INTS10: variants seen among roughly 807,000 people sequenced by gnomAD.
The protein encoded by INTS10 is integrator complex subunit 10.
In INTS10, 44 loss-of-function variants were observed where a neutral mutation model predicts 94.4. That is an observed-to-expected ratio of 0.47 (90% CI 0.37 to 0.60). The LOEUF (loss-of-function observed/expected upper bound fraction) is 0.60. INTS10 is among the 20% of genes least tolerant of loss of function. The pLI is 0.00. For synonymous variants in INTS10, 341 were observed against 320.7 expected (o/e 1.06, Z -0.68); for missense variants, 797 against 868.7 (o/e 0.92, Z 1.04).
intron 13 of INTS10, among the ~76,000 whole-genome samples, chr8:19,837,861 A>G (rs962535728): frequency 4.6e-5 from 7 of 152,270 alleles, no homozygotes; most frequent in Non-Finnish European, 8.8e-5. Flanking sequence ...CCCTAACAAG[A>G]TCGATAAGGA....
At chr8:19,825,535 A>G (rs2066726304) in intron 8 of INTS10, among the ~76,000 whole-genome samples, 1 of 151,728 alleles carries the variant, frequency 6.6e-6, no homozygotes, top group East Asian at 1.9e-4. Context: ...AAAAAAAAAA[A>G]AGAAAAAAAC....
In INTS10 at chr8:19,849,365, C is replaced by A; in HGVS notation, c.1977-2284C>A. 2 of 348,284 alleles carry A rather than the reference C, an allele frequency of 5.7e-6. No individual in the cohort carries two copies. Among genetic ancestry groups the A allele is most frequent in the Non-Finnish European group, 5.3e-6 (1 of 188,288 alleles). The allele number at this position is 348,284 out of a possible 1,614,324, so 21.6% of individuals were successfully genotyped here. ...TTTCTTTCTTTTTTAATTTGTTCCGCATTTTGGCAAACCATCTGGTTGTAA... is the reference window on the plus strand; with the variant it reads ...TTTCTTTCTTTTTTAATTTGTTCCGAATTTTGGCAAACCATCTGGTTGTAA... On this transcript the variant is annotated intron_variant, in intron 16 of 16. Transcript: ENST00000397977. The surrounding 1 kb of genome is among the most constrained non-coding windows in gnomAD (Gnocchi z 4.6).
At position 19,843,064 on chromosome 8, in the gene INTS10, TG is replaced by T; in HGVS notation, c.1719+140del. ...AGGCCCAAACAGTTAGAAAAGCACATGGGCTACTAATTAACAAATCTATATT... is the reference window on the plus strand; with the variant it reads ...AGGCCCAAACAGTTAGAAAAGCACATGGCTACTAATTAACAAATCTATATT... On this transcript the variant is annotated intron_variant, in intron 14 of 16. Transcript: ENST00000397977. The surrounding 1 kb of genome is among the most constrained non-coding windows in gnomAD (Gnocchi z 4.7). The T allele has an allele frequency of 1.6e-6, 1 of 632,596 alleles. No individual in the cohort carries two copies. Among genetic ancestry groups the T allele is most frequent in the South Asian group, 1.9e-5 (1 of 51,784 alleles). 39.2% of individuals were successfully genotyped at this position (632,596 alleles called of 1,614,324 possible).
At chr8:19,820,695 G>T (rs916219462) in intron 4 of INTS10, among the ~76,000 whole-genome samples, 177 bp downstream of exon 4, 3 of 152,210 alleles carry the variant, frequency 2.0e-5, no homozygotes, top group Non-Finnish European at 2.9e-5. Flanking sequence ...ACCATATTTT[G>T]TAAGTTTCCA....
rs2067981679 is a variant in INTS10, at chr8:19,839,842, C to G, written c.1639+2682C>G. ...CTTTGGGAGGCCGAGGCAGGTGGAT[C>G]ACTTGAGGCCAGGAGTTTGAGACAA... On this transcript the variant is annotated intron_variant, in intron 13 of 16. Transcript: ENST00000397977. Among the ~76,000 whole-genome samples the G allele has an allele frequency of 2.6e-5, 4 of 152,196 alleles. No individual in the cohort carries two copies. The South Asian group carries it at 8.3e-4, about 32-fold the overall frequency.
intron 15 of INTS10, 104 bp from the exon 16 acceptor site, chr8:19,845,600 T>C (rs1409076832): frequency 9.2e-6 from 7 of 758,414 alleles, no homozygotes; most frequent in East Asian, 7.9e-5. Flanking sequence ...CCTTTTTTAG[T>C]GGGATGGCAA....
intron 9 of INTS10, among the ~76,000 whole-genome samples, chr8:19,828,490 T>C (rs920228044): frequency 1.3e-5 from 2 of 152,228 alleles, no homozygotes; most frequent in Admixed American, 6.5e-5. Context: ...CAGAGTGTAC[T>C]TGCACATTTC....
At chr8:19,847,212 A>T (rs1003033588) in intron 16 of INTS10, among the ~76,000 whole-genome samples, 1 of 152,190 alleles carries the variant, frequency 6.6e-6, no homozygotes, top group Admixed American at 6.5e-5. Context: ...AGTGTTATTA[A>T]ATTATAAACT....
chr8:19,818,414 G>C, intron 2 of INTS10, 72 bp downstream of exon 2: 2 of 1,470,708 alleles, frequency 1.4e-6, no homozygotes, highest in South Asian at 1.1e-5. Context: ...CTCTGCAGAA[G>C]TGGGAGTTGG....
chr8:19,837,213 G>A, intron 13 of INTS10, 53 bp downstream of exon 13: 1 of 1,132,638 alleles, frequency 8.8e-7, no homozygotes, highest in Non-Finnish European at 1.3e-6. Flanking sequence ...AGAAAGCCAG[G>A]CACGGTGGCT....
chr8:19,851,874 G>T lies in INTS10; in HGVS notation c.*69G>T. ...TAGGAGAAGACACTCAGCAGTGATT[G>T]CCATGGCACAGAGCCGTGGTCATTG... On this transcript the variant is annotated 3_prime_UTR_variant, in exon 17 of 17. Transcript: ENST00000397977. The surrounding 1 kb of genome is among the most constrained non-coding windows in gnomAD (Gnocchi z 5.0). 7.2e-7 allele frequency: 1 copy of T among 1,391,276 alleles called. No homozygotes were observed. Among genetic ancestry groups the T allele is most frequent in the East Asian group, 2.3e-5 (1 of 43,174 alleles). The allele number at this position is 1,391,276 out of a possible 1,614,324, so 86.2% of individuals were successfully genotyped here.
intron 15 of INTS10, chr8:19,845,443 C>G: frequency 2.6e-6 from 1 of 389,896 alleles, no homozygotes; most frequent in East Asian, 3.9e-5. Context: ...CAAGAGTTAT[C>G]TGTGCGAGGG....
chr8:19,831,342 A>C (rs185144157), intron 10 of INTS10, among the ~76,000 whole-genome samples: 2 of 152,292 alleles, frequency 1.3e-5, no homozygotes. Flanking sequence ...TTTTTTTAAA[A>C]ATGAATAAAA....
At chr8:19,848,956 G>A (rs1478217396) in intron 16 of INTS10, 3 of 250,678 alleles carry the variant, frequency 1.2e-5, no homozygotes, top group East Asian at 1.0e-4. Context: ...CTCTGGACAC[G>A]CACCAGCAGC....
At chr8:19,847,054 G>T (rs1590069816) in intron 16 of INTS10, among the ~76,000 whole-genome samples, 1 of 152,188 alleles carries the variant, frequency 6.6e-6, no homozygotes, top group South Asian at 2.1e-4. Context: ...CCTAGGGAAA[G>T]AAGTAAGAAA....
intron 4 of INTS10, chr8:19,821,524 C>T (rs2066373706): frequency 6.6e-6 from 1 of 152,386 alleles, no homozygotes; most frequent in African/African-American, 2.4e-5. Context: ...TCTTGGCTCA[C>T]TGCATCCTCT....
chr8:19,820,233 G>C (rs949238388), intron 3 of INTS10, 146 bp from the exon 4 acceptor site: 7 of 627,332 alleles, frequency 1.1e-5, no homozygotes, highest in African/African-American at 5.6e-5. Context: ...GCTCCAAAAG[G>C]CTGCCAGGTT....
chr8:19,839,406 A>G (rs1369071856), intron 13 of INTS10, among the ~76,000 whole-genome samples: 2 of 152,202 alleles, frequency 1.3e-5, no homozygotes, highest in Non-Finnish European at 2.9e-5. Context: ...CTTTATTCAC[A>G]GTTACATATT....
chr8:19,839,726 A>G (rs1349311827), intron 13 of INTS10, among the ~76,000 whole-genome samples: 1 of 151,890 alleles, frequency 6.6e-6, no homozygotes, highest in East Asian at 1.9e-4. Flanking sequence ...AAAACCCAAC[A>G]CAGTTACATA....
Sources: gnomAD v4.1 joint callset for allele counts (sites outside exome capture counted in the v4.1 genomes callset) on GRCh38, gnomAD v4.1.1 for gene constraint, Gnocchi (gnomAD v3.1) non-coding constraint, MANE v1.5 for transcripts, NCBI Gene and HGNC (gene_info 2026-07-23, HGNC 2026-07-21) for gene names.